The following TTC7B variants were observed in gnomAD, a reference collection of about 807,000 sequenced individuals.
TTC7B encodes tetratricopeptide repeat protein 7B.
Under a neutral mutation model 106.8 loss-of-function variants are expected in TTC7B, and 28 were observed. The observed-to-expected ratio is 0.26, with a 90% confidence interval of 0.19 to 0.36. The LOEUF (loss-of-function observed/expected upper bound fraction) is 0.36. Among genes scored for constraint, TTC7B ranks in the 10% least tolerant of loss-of-function variants. The pLI is 1.00. For synonymous variants in TTC7B, 405 were observed against 430.6 expected (o/e 0.94, Z 0.74); for missense variants, 862 against 1,076.4 (o/e 0.80, Z 2.79).
intron 19 of TTC7B, among the ~76,000 whole-genome samples, chr14:90,564,631 G>A (rs147300215): frequency 1.3e-5 from 2 of 152,326 alleles, no homozygotes; most frequent in East Asian, 3.9e-4. Flanking sequence ...TGCTGGGCTG[G>A]GCACAGTGGT....
chr14:90,770,901 A>T (rs1890842835), intron 3 of TTC7B, among the ~76,000 whole-genome samples: 1 of 152,228 alleles, frequency 6.6e-6, no homozygotes, highest in South Asian at 2.1e-4. Flanking sequence ...TACAACATGG[A>T]TGAACCTTGA....
At chr14:90,616,511 G>A (rs956636600) in intron 16 of TTC7B, among the ~76,000 whole-genome samples, 1 of 152,020 alleles carries the variant, frequency 6.6e-6, no homozygotes, top group Non-Finnish European at 1.5e-5. Flanking sequence ...CTTCCAGCTG[G>A]GGGGGAGGTG....
At chr14:90,630,838 G>T (rs1286443) in intron 15 of TTC7B, among the ~76,000 whole-genome samples, 5,307 of 92,232 alleles carry the variant, frequency 0.058, 217 homozygotes, top group African/African-American at 0.098. Flanking sequence ...CTTGTTTTTT[G>T]TTTTTTTTTT....
Position 90,804,030 on chromosome 14 carries a change from C to G in TTC7B, c.121+12145G>C, listed in dbSNP as rs112323987. On this transcript the variant is annotated intron_variant, in intron 1 of 19. Coordinates refer to ENST00000328459, the MANE Select transcript of TTC7B (RefSeq NM_001010854.2). ...CACACAGGCAAGTTCAACACACTCG[C>G]AGAGAGCCAAAAGAAAGAGCTGTGG... Among the ~76,000 whole-genome samples, 297 of 152,080 alleles carry G rather than the reference C, an allele frequency of 2.0e-3. 3 individuals are homozygous for G. Among genetic ancestry groups the G allele is most frequent in the African/African-American group, 6.4e-3 (264 of 41,474 alleles).
intron 19 of TTC7B, among the ~76,000 whole-genome samples, chr14:90,567,932 C>T (rs1329529936): frequency 6.6e-6 from 1 of 152,184 alleles, no homozygotes; most frequent in Non-Finnish European, 1.5e-5. Context: ...GACCTTTGGG[C>T]TCAGTGATTT....
chr14:90,648,998 A>T (rs1341840255), intron 13 of TTC7B: 1 of 152,340 alleles, frequency 6.6e-6, no homozygotes, highest in East Asian at 1.9e-4. Context: ...GCTGGCAATG[A>T]TCTGTTGAGT....
Position 90,536,437 on chromosome 14 carries a change from C to G in TTC7B, c.*4931G>C, listed in dbSNP as rs1424082488. The G allele has an allele frequency of 2.6e-5, 4 of 152,542 alleles. No homozygotes were observed. The highest frequency in any genetic ancestry group is 6.5e-5 in the Admixed American group (1 of 15,292). 9.4% of individuals were successfully genotyped at this position (152,542 alleles called of 1,614,324 possible). On this transcript the variant is annotated 3_prime_UTR_variant, in exon 20 of 20. Coordinates refer to ENST00000328459, the MANE Select transcript of TTC7B (RefSeq NM_001010854.2). Reference sequence around the variant, plus strand: ...CTCCTGCCCAGCCAGCTGCCTCCCCCTCAGAGGCTCCACAGGCATTTTGTA... The same window carrying G: ...CTCCTGCCCAGCCAGCTGCCTCCCCGTCAGAGGCTCCACAGGCATTTTGTA...
In TTC7B at chr14:90,598,401, C is replaced by A. The variant is rs542130997; in HGVS notation, c.1967-4775G>T. On this transcript the variant is annotated intron_variant, in intron 17 of 19. Transcript: ENST00000328459. ...GACACCTGATACAGAGGCAAAGTGC[C>A]ACCTGAAGAACATTCTGAGCCAGGG... Among the ~76,000 whole-genome samples, 48 of 152,298 alleles carry A rather than the reference C, an allele frequency of 3.2e-4. 1 individual carries two copies. Among genetic ancestry groups the A allele is most frequent in the Admixed American group, 2.7e-3 (42 of 15,304 alleles).
In TTC7B at chr14:90,767,077, G is replaced by T. The variant is rs534879254; in HGVS notation, c.445+13661C>A. 12 of 685,192 alleles carry T rather than the reference G, an allele frequency of 1.8e-5. No homozygotes were observed. In the East Asian group the frequency reaches 3.3e-4, roughly 19 times the overall value. 42.4% of individuals were successfully genotyped at this position (685,192 alleles called of 1,614,324 possible). A position where few individuals can be genotyped will look rare whatever the true frequency, so the allele number is the denominator to read the frequency against. On this transcript the variant is annotated intron_variant, in intron 3 of 19. Transcript: ENST00000328459. ...AAGGAAGAAAAGAAATTCTGGGCTG[G>T]GTGCAGTAGCTCACACCTGTAACTG...
intron 5 of TTC7B, among the ~76,000 whole-genome samples, chr14:90,703,359 C>T (rs1044779562): frequency 2.6e-5 from 4 of 152,154 alleles, no homozygotes; most frequent in African/African-American, 9.7e-5. Context: ...TCCATCCCCT[C>T]GACTGGGCTA....
chr14:90,676,995 G>A (rs376195078), intron 8 of TTC7B, among the ~76,000 whole-genome samples: 5 of 152,102 alleles, frequency 3.3e-5, no homozygotes, highest in East Asian at 1.9e-4. Flanking sequence ...ACGCAGCTGC[G>A]CTCTAGAGCA....
intron 2 of TTC7B, among the ~76,000 whole-genome samples, chr14:90,785,074 C>T (rs554063592): frequency 6.6e-6 from 1 of 152,206 alleles, no homozygotes; most frequent in South Asian, 2.1e-4. Flanking sequence ...ATGCAGGAGC[C>T]GGGAAGGTCC....
intron 3 of TTC7B, among the ~76,000 whole-genome samples, chr14:90,760,225 G>T (rs55966318): frequency 0.04 from 6,153 of 152,158 alleles, 163 homozygotes; most frequent in Non-Finnish European, 0.056. Context: ...AAACAGAGGT[G>T]GGGGGTTGGC....
Position 90,578,738 on chromosome 14 carries a change from G to A in TTC7B, c.2108-430C>T, listed in dbSNP as rs527298143. ...GGCACCCAGACCCTCAGAGGGCAACGGCTCTGCCCTCTGACCCACTCTCCT... is the reference window on the plus strand; with the variant it reads ...GGCACCCAGACCCTCAGAGGGCAACAGCTCTGCCCTCTGACCCACTCTCCT... On this transcript the variant is annotated intron_variant, in intron 18 of 19. Transcript: ENST00000328459. This position sits in a 1 kb window ranked among gnomAD's most constrained non-coding sequence, Gnocchi z 4.7. 6.6e-6 allele frequency among the ~76,000 whole-genome samples: 1 copy of A among 152,084 alleles called. No individual in the cohort carries two copies. Among genetic ancestry groups the A allele is most frequent in the East Asian group, 2.0e-4 (1 of 5,102 alleles).
rs2030690446 is a variant in TTC7B at position 90,807,716 on chromosome 14, T to C, written c.121+8459A>G. On this transcript the variant is annotated intron_variant, in intron 1 of 19. Transcript: ENST00000328459. This position sits in a 1 kb window ranked among gnomAD's most constrained non-coding sequence, Gnocchi z 4.1. ...CAAACTAACTGAGGCTGTTTACAAA[T>C]GTAGATTTCCAGCTTCTACCTTGGG... is the stretch of plus-strand genomic sequence containing the variant. Among the ~76,000 whole-genome samples the C allele has an allele frequency of 6.6e-6, 1 of 152,358 alleles. No individual in the cohort carries two copies. Among genetic ancestry groups the C allele is most frequent in the East Asian group, 1.9e-4 (1 of 5,184 alleles).
intron 1 of TTC7B, among the ~76,000 whole-genome samples, chr14:90,790,972 T>G (rs569352264): frequency 2.2e-4 from 33 of 152,044 alleles, no homozygotes; most frequent in Non-Finnish European, 4.0e-4. Flanking sequence ...GGGAATAGGA[T>G]GTGGATAGAA....
intron 13 of TTC7B, among the ~76,000 whole-genome samples, 178 bp downstream of exon 13, chr14:90,652,663 T>G (rs1885777667): frequency 6.6e-6 from 1 of 152,170 alleles, no homozygotes; most frequent in Admixed American, 6.5e-5. Flanking sequence ...GAGTGCAGAT[T>G]GACACAGCAA....
chr14:90,578,073 G>C lies in TTC7B; in HGVS notation c.2310+33C>G. 6.3e-7 allele frequency: 1 copy of C among 1,578,156 alleles called. No individual in the cohort carries two copies. The highest frequency in any genetic ancestry group is 8.6e-7 in the Non-Finnish European group (1 of 1,161,666). ...GCTTCCAAGGGCTGTCCCCATGCCA[G>C]AGTAGGGGCCACCGCCGGGCTCGTG... On this transcript the variant is annotated intron_variant, in intron 19 of 19. Transcript: ENST00000328459. This position sits in a 1 kb window ranked among gnomAD's most constrained non-coding sequence, Gnocchi z 4.7.
At chr14:90,604,582 T>C (rs1892564814) in intron 17 of TTC7B, among the ~76,000 whole-genome samples, 1 of 152,242 alleles carries the variant, frequency 6.6e-6, no homozygotes. Flanking sequence ...CTGGCAGCAG[T>C]TCCCCTTAAG....
Sources: gnomAD v4.1 joint callset for allele counts (sites outside exome capture counted in the v4.1 genomes callset) on GRCh38, gnomAD v4.1.1 for gene constraint, Gnocchi (gnomAD v3.1) non-coding constraint, MANE v1.5 for transcripts, NCBI Gene and HGNC (gene_info 2026-07-23, HGNC 2026-07-21) for gene names.